Variants in EDA observed in about 807,000 individuals in gnomAD.
EDA encodes ectodysplasin A.
Under a neutral mutation model 23.6 loss-of-function variants are expected in EDA, and 2 were observed. The ratio of observed to expected loss-of-function variants is 0.08; its 90% CI spans 0.03 to 0.27. The LOEUF is 0.27. Among genes scored for constraint, EDA ranks in the 10% least tolerant of loss-of-function variants. EDA has a pLI of 1.00. For synonymous variants in EDA, 131 were observed against 132.0 expected, an observed-to-expected ratio of 0.99 and a Z score of 0.05; for missense variants, 229 against 324.2, an observed-to-expected ratio of 0.71 and a Z score of 2.26.
intron 2 of EDA, among the ~76,000 whole-genome samples, chrX:69,975,468 A>AGG (rs2147444216): frequency 1.8e-5 from 2 of 109,777 alleles, no homozygotes; most frequent in South Asian, 8.0e-4. Context: ...CTACATGTGG[A>AGG]GGGAGGGAAG....
intron 1 of EDA, among the ~76,000 whole-genome samples, chrX:69,710,480 C>G (rs1362995927): frequency 9.0e-6 from 1 of 111,355 alleles, no homozygotes. Context: ...GCAATGCGGG[C>G]TCTTTTTTGG....
At chrX:69,688,993 A>T (rs1934625709) in intron 1 of EDA, among the ~76,000 whole-genome samples, 1 of 111,788 alleles carries the variant, frequency 8.9e-6, no homozygotes, top group South Asian at 3.8e-4. Flanking sequence ...TCCCAGCACC[A>T]TTTGTTGAAG....
chrX:69,752,193 G>C (rs2147392658), intron 1 of EDA, among the ~76,000 whole-genome samples: 1 of 111,364 alleles, frequency 9.0e-6, no homozygotes, highest in African/African-American at 3.3e-5. Context: ...TGCCCATTCA[G>C]TTTGATATTG....
chrX:69,719,492 A>G (rs373124516), intron 1 of EDA, among the ~76,000 whole-genome samples: 1 of 109,874 alleles, frequency 9.1e-6, no homozygotes, highest in African/African-American at 3.3e-5. Flanking sequence ...TTCATCCCTT[A>G]CCACTCTCTC....
At chrX:69,658,108 T>C (rs1387819185) in intron 1 of EDA, among the ~76,000 whole-genome samples, 1 of 111,294 alleles carries the variant, frequency 9.0e-6, no homozygotes, top group Admixed American at 9.6e-5. Context: ...GAGCATGGAA[T>C]GCTTTTTTGT....
intron 1 of EDA, among the ~76,000 whole-genome samples, chrX:69,757,575 C>T (rs759470402): frequency 8.9e-6 from 1 of 112,093 alleles, no homozygotes; most frequent in South Asian, 3.7e-4. Context: ...ATTCTCACTT[C>T]GCAGCAGATA....
chrX:69,886,354 G>C (rs2017828919), intron 1 of EDA, among the ~76,000 whole-genome samples: 1 of 111,319 alleles, frequency 9.0e-6, no homozygotes, highest in Admixed American at 9.6e-5. Context: ...CCCGTTATTT[G>C]GCTCCAGTGC....
At chrX:69,946,451 T>C (rs1258604412) in intron 1 of EDA, among the ~76,000 whole-genome samples, 1 of 111,890 alleles carries the variant, frequency 8.9e-6, no homozygotes, top group Non-Finnish European at 1.9e-5. Context: ...GTTTCTAGTC[T>C]TTCTTTCATT....
At chrX:69,775,290 C>A (rs1465431728) in intron 1 of EDA, among the ~76,000 whole-genome samples, 1 of 111,177 alleles carries the variant, frequency 9.0e-6, no homozygotes, top group Admixed American at 9.6e-5. Context: ...CTAAAGAGAC[C>A]TCACTCATCC....
chrX:69,740,620 A>G (rs1383898259), intron 1 of EDA, among the ~76,000 whole-genome samples: 3 of 110,836 alleles, frequency 2.7e-5, no homozygotes, highest in Non-Finnish European at 5.7e-5. Flanking sequence ...GTTTGGGTGT[A>G]GATCTCATTG....
intron 1 of EDA, among the ~76,000 whole-genome samples, chrX:69,921,687 T>C (rs1303391754): frequency 9.0e-6 from 1 of 111,289 alleles, no homozygotes. Flanking sequence ...ATTACTTAGG[T>C]TGGGCCTTTT....
intron 1 of EDA, among the ~76,000 whole-genome samples, chrX:69,910,166 A>T (rs965774160): frequency 2.9e-4 from 30 of 104,000 alleles, no homozygotes; most frequent in Non-Finnish European, 5.2e-4. Context: ...TTAATTAATT[A>T]TTTTTTTTTT....
At chrX:69,947,974 A>G (rs1370007339) in intron 1 of EDA, among the ~76,000 whole-genome samples, 1 of 112,342 alleles carries the variant, frequency 8.9e-6, no homozygotes, top group Non-Finnish European at 1.9e-5. Context: ...TCCTTGATGT[A>G]CATCTTAAAT....
At chrX:69,966,968 G>A (rs1443241853) in intron 2 of EDA, among the ~76,000 whole-genome samples, 1 of 108,995 alleles carries the variant, frequency 9.2e-6, no homozygotes, top group Non-Finnish European at 1.9e-5. Context: ...TTATAGGTGT[G>A]TGTGTGTATA....
chrX:69,981,347 T>C (rs965504118), intron 2 of EDA, among the ~76,000 whole-genome samples: 6 of 111,828 alleles, frequency 5.4e-5, no homozygotes, highest in African/African-American at 2.0e-4. Flanking sequence ...TAGAAGAGAA[T>C]TGAGCAGGAA....
chrX:69,939,648 A>G (rs769161859), intron 1 of EDA, among the ~76,000 whole-genome samples: 3 of 111,521 alleles, frequency 2.7e-5, no homozygotes, highest in Non-Finnish European at 3.8e-5. Flanking sequence ...GAAAGTGGGC[A>G]TCTTTGTCTT....
rs57593985 is a variant in EDA, at chrX:69,851,157, TTG to T, written c.397-105845_397-105844del. Among the ~76,000 whole-genome samples the T allele has an allele frequency of 1.7e-3, 170 of 101,885 alleles. 1 individual carries two copies. Among genetic ancestry groups the T allele is most frequent in the African/African-American group, 5.4e-3 (151 of 28,109 alleles). 88.5% of individuals were successfully genotyped at this position (101,885 alleles called of 115,157 possible). Reference sequence around the variant, plus strand: ...ACGTCACAAAATCTAGATCAAGGGTTTGTGTGTGTGTGTGTGTGTGTGTGTGC... The same window carrying T: ...ACGTCACAAAATCTAGATCAAGGGTTTGTGTGTGTGTGTGTGTGTGTGTGC... On this transcript the variant is annotated intron_variant, in intron 1 of 7. Coordinates refer to ENST00000374552, the MANE Select transcript of EDA (RefSeq NM_001399.5).
At chrX:69,800,954 A>G (rs748390178) in intron 1 of EDA, among the ~76,000 whole-genome samples, 1 of 111,424 alleles carries the variant, frequency 9.0e-6, no homozygotes, top group South Asian at 3.8e-4. Flanking sequence ...TTGGAAGGTC[A>G]TGCACAGTTC....
At chrX:70,007,759 A>G (rs2019822905) in intron 2 of EDA, among the ~76,000 whole-genome samples, 1 of 111,818 alleles carries the variant, frequency 8.9e-6, no homozygotes, top group African/African-American at 3.2e-5. Context: ...ACACAACATT[A>G]TTAAGATGTC....
Sources: allele counts gnomAD v4.1 joint callset (sites outside exome capture counted in the v4.1 genomes callset), GRCh38; gene constraint gnomAD v4.1.1; transcripts MANE v1.5; gene names NCBI Gene and HGNC (gene_info 2026-07-23, HGNC 2026-07-21).